LUZP2: variants seen among roughly 807,000 people sequenced by gnomAD.
LUZP2 encodes the protein leucine zipper protein 2.
In LUZP2, 52 loss-of-function variants were observed where a neutral mutation model predicts 51.6. That is an observed-to-expected ratio of 1.01 (90% CI 0.81 to 1.27). The LOEUF (loss-of-function observed/expected upper bound fraction) is 1.27, where lower values mean the gene tolerates loss of function less well. Among genes scored for constraint, LUZP2 ranks in the 50% most tolerant of loss-of-function variants. LUZP2 has a pLI of 0.00. For missense variants in LUZP2, 436 were observed against 395.4 expected (o/e 1.10, Z -0.87); for synonymous variants, 154 against 137.3 (o/e 1.12, Z -0.85).
chr11:24,646,691 G>C, intron 1 of LUZP2: 1 of 689,934 alleles, frequency 1.4e-6, no homozygotes, highest in Non-Finnish European at 1.8e-6. Context: ...GACTGTTGCT[G>C]ATGTCTCATT....
intron 1 of LUZP2, among the ~76,000 whole-genome samples, chr11:24,572,793 T>G (rs10834390): frequency 0.58 from 88,054 of 151,804 alleles, 26,227 homozygotes; most frequent in East Asian, 0.8. Context: ...ATAATTTTAC[T>G]TTATCTAAAG....
At chr11:24,582,980 C>T (rs554604504) in intron 1 of LUZP2, among the ~76,000 whole-genome samples, 19 of 152,116 alleles carry the variant, frequency 1.2e-4, no homozygotes, top group South Asian at 8.3e-4. Context: ...ATGCAGCAAA[C>T]GATATGCAGT....
chr11:24,753,338 A>G (rs1859661648), intron 4 of LUZP2, among the ~76,000 whole-genome samples: 1 of 152,202 alleles, frequency 6.6e-6, no homozygotes, highest in Non-Finnish European at 1.5e-5. Flanking sequence ...GCCACCCTTC[A>G]GTAATTTCTA....
intron 7 of LUZP2, among the ~76,000 whole-genome samples, chr11:24,956,664 A>G (rs771287784): frequency 2.0e-5 from 3 of 152,116 alleles, no homozygotes; most frequent in Non-Finnish European, 4.4e-5. Flanking sequence ...GGAAATAAAG[A>G]TTTTGGTGAT....
chr11:24,753,653 A>T (rs1045147733), intron 4 of LUZP2, among the ~76,000 whole-genome samples: 21 of 152,186 alleles, frequency 1.4e-4, no homozygotes, highest in African/African-American at 4.8e-4. Context: ...GTGTGTTCAA[A>T]TATATCAACT....
intron 5 of LUZP2, among the ~76,000 whole-genome samples, chr11:24,777,950 G>T (rs1284846300): frequency 1.3e-5 from 2 of 151,778 alleles, no homozygotes; most frequent in African/African-American, 4.8e-5. Flanking sequence ...TCTTCTCCAT[G>T]TTTTCTGTAA....
intron 1 of LUZP2, among the ~76,000 whole-genome samples, chr11:24,574,482 C>A (rs964038401): frequency 6.6e-6 from 1 of 151,430 alleles, no homozygotes. Context: ...ACTAAACAAA[C>A]ACTTTGCTAT....
At position 24,642,303 on chromosome 11, in the gene LUZP2, A is replaced by AT. The variant is rs879810030; in HGVS notation, c.63-86857dup. ...CTGCATTTTGTCCTGGGATCTCCTGATTTTTTTTTCAAAAGTTGTCTATAT... is the reference window on the plus strand; with the variant it reads ...CTGCATTTTGTCCTGGGATCTCCTGATTTTTTTTTTCAAAAGTTGTCTATAT... On this transcript the variant is annotated intron_variant, in intron 1 of 11. Coordinates refer to ENST00000336930, the MANE Select transcript of LUZP2 (RefSeq NM_001009909.4). 6.4e-4 allele frequency among the ~76,000 whole-genome samples: 97 copies of AT among 151,032 alleles called. 1 individual carries two copies. The South Asian group carries it at 7.9e-3, about 12-fold the overall frequency.
At chr11:24,645,878 A>G (rs893366666) in intron 1 of LUZP2, among the ~76,000 whole-genome samples, 1 of 151,606 alleles carries the variant, frequency 6.6e-6, no homozygotes, top group Non-Finnish European at 1.5e-5. Context: ...CTTAAAATAA[A>G]ATGTACATAA....
intron 5 of LUZP2, among the ~76,000 whole-genome samples, chr11:24,846,080 T>C (rs961530417): frequency 6.6e-6 from 1 of 151,462 alleles, no homozygotes; most frequent in Non-Finnish European, 1.5e-5. Flanking sequence ...CACTTCTATT[T>C]AAGAGTCAAC....
chr11:24,832,329 A>G (rs931371218), intron 5 of LUZP2, among the ~76,000 whole-genome samples: 1 of 151,906 alleles, frequency 6.6e-6, no homozygotes, highest in Non-Finnish European at 1.5e-5. Flanking sequence ...TCATCAAGCA[A>G]GAAAAAAATA....
chr11:24,609,509 T>C (rs1225265542), intron 1 of LUZP2, among the ~76,000 whole-genome samples: 1 of 152,034 alleles, frequency 6.6e-6, no homozygotes, highest in Non-Finnish European at 1.5e-5. Context: ...ATGGATCACC[T>C]GAGGTCAGGA....
At chr11:24,634,706 G>A (rs773990366) in intron 1 of LUZP2, among the ~76,000 whole-genome samples, 33 of 152,006 alleles carry the variant, frequency 2.2e-4, no homozygotes, top group African/African-American at 8.0e-4. Context: ...CTGTTTACTC[G>A]TTTGCATTAT....
intron 5 of LUZP2, among the ~76,000 whole-genome samples, chr11:24,849,318 C>A (rs908609953): frequency 3.3e-5 from 5 of 152,090 alleles, no homozygotes; most frequent in African/African-American, 1.2e-4. Flanking sequence ...GTGTGATGTT[C>A]CCCTCCCTGT....
intron 5 of LUZP2, among the ~76,000 whole-genome samples, chr11:24,875,950 G>C (rs1852247199): frequency 6.6e-6 from 1 of 150,600 alleles, no homozygotes; most frequent in Non-Finnish European, 1.5e-5. Context: ...TGATGGGGTT[G>C]TTTGTTTTTT....
intron 9 of LUZP2, among the ~76,000 whole-genome samples, chr11:24,993,579 G>A (rs1856412925): frequency 6.6e-6 from 1 of 152,052 alleles, no homozygotes; most frequent in African/African-American, 2.4e-5. Context: ...TATTCTTAAT[G>A]AATTCACCCT....
intron 8 of LUZP2, among the ~76,000 whole-genome samples, chr11:24,977,076 A>C (rs1400014975): frequency 6.6e-6 from 1 of 151,814 alleles, no homozygotes; most frequent in Non-Finnish European, 1.5e-5. Flanking sequence ...GTATCTTATA[A>C]TTTATACTTA....
chr11:24,525,430 G>C (rs1179314159), intron 1 of LUZP2, among the ~76,000 whole-genome samples: 11 of 151,398 alleles, frequency 7.3e-5, no homozygotes. Context: ...TTAACTCTGA[G>C]CTAACTTCCA....
intron 10 of LUZP2, among the ~76,000 whole-genome samples, chr11:25,065,877 A>G (rs951554627): frequency 6.6e-6 from 1 of 152,068 alleles, no homozygotes; most frequent in African/African-American, 2.4e-5. Flanking sequence ...ATGATTCATC[A>G]AAGTTAATCT....
Sources: allele counts gnomAD v4.1 joint callset (sites outside exome capture counted in the v4.1 genomes callset), GRCh38; gene constraint gnomAD v4.1.1; transcripts MANE v1.5; gene names NCBI Gene and HGNC (gene_info 2026-07-23, HGNC 2026-07-21).